INTS3: variants seen among roughly 807,000 people sequenced by gnomAD.
The protein encoded by INTS3 is integrator complex subunit 3.
A neutral mutation model predicts 146.3 loss-of-function variants in INTS3; 34 were observed. The ratio of observed to expected loss-of-function variants is 0.23; its 90% confidence interval spans 0.18 to 0.31. The LOEUF is 0.31. Among genes scored for constraint, INTS3 ranks in the 10% least tolerant of loss-of-function variants. The probability of loss-of-function intolerance (pLI) is 1.00; values close to 1 mark genes in which losing one functional copy is unlikely to be tolerated. For missense variants in INTS3, 757 were observed against 1,304.2 expected (o/e 0.58, Z 6.46); for synonymous variants, 475 against 494.9 (o/e 0.96, Z 0.53).
intron 14 of INTS3, 50 bp downstream of exon 14, chr1:153,761,726 A>G (rs1245055534): frequency 6.1e-6 from 8 of 1,321,844 alleles, no homozygotes; most frequent in Non-Finnish European, 7.6e-6. Context: ...GGGCAAGACA[A>G]CCAGGCCTTC....
At chr1:153,759,243 C>T (rs1223526178) in intron 10 of INTS3, among the ~76,000 whole-genome samples, 2 of 149,692 alleles carry the variant, frequency 1.3e-5, no homozygotes, top group African/African-American at 2.5e-5. Flanking sequence ...CACTGCACTA[C>T]AGCCTGGGCA....
intron 1 of INTS3, among the ~76,000 whole-genome samples, chr1:153,731,076 A>G (rs1389530568): frequency 2.6e-5 from 4 of 152,150 alleles, no homozygotes; most frequent in Non-Finnish European, 5.9e-5. Context: ...ATATATGCTT[A>G]CTGTGTGCTG....
rs1671492701 is a variant in INTS3, at chr1:153,740,633, T to C, written c.151-18T>C. The C allele has an allele frequency of 6.2e-7, 1 of 1,605,960 alleles. No individual in the cohort carries two copies. Among genetic ancestry groups the C allele is most frequent in the Non-Finnish European group, 8.5e-7 (1 of 1,172,698 alleles). ...TGGTGTTATGACACACTGTTCATTT[T>C]TTCTCACCCCTTCCCAGAGATTGGA... On this transcript the variant is annotated intron_variant, in intron 1 of 29. Coordinates refer to ENST00000318967, the MANE Select transcript of INTS3 (RefSeq NM_023015.5).
intron 1 of INTS3, among the ~76,000 whole-genome samples, chr1:153,732,808 C>CTT (rs35259045): frequency 3.2e-4 from 46 of 144,018 alleles, no homozygotes; most frequent in East Asian, 8.1e-4. Flanking sequence ...GGAATTTAGT[C>CTT]TTTTTTTTTT....
chr1:153,735,436 G>T (rs1046062783), intron 1 of INTS3, among the ~76,000 whole-genome samples: 9 of 152,176 alleles, frequency 5.9e-5, no homozygotes, highest in African/African-American at 2.2e-4. Flanking sequence ...GGCAAGTGTG[G>T]AGGGTTCTTT....
intron 24 of INTS3, 27 bp downstream of exon 24, chr1:153,770,338 C>A: frequency 7.4e-7 from 1 of 1,347,880 alleles, no homozygotes; most frequent in South Asian, 1.2e-5. Flanking sequence ...GTAGGGAGCA[C>A]ATCAGATATG....
Position 153,770,292 on chromosome 1 carries a change from G to A in INTS3, c.2484G>A (p.Leu828=). ...CCCTGGAGACCATAATCCCCATCCT[G>A]CAGCACCTCAAATACAAGGGTGAGT... The part of the protein sequence containing the change: ...NIPLETIIPI[L]QHLKYKEHPE... The change falls in exon 24 of 30, where the codon CTG becomes CTA. Residue 828 remains leucine, a synonymous_variant. Transcript: ENST00000318967. 2 of 1,609,172 alleles carry A rather than the reference G, an allele frequency of 1.2e-6. No individual in the cohort carries two copies. The highest frequency in any genetic ancestry group is 8.5e-7 in the Non-Finnish European group (1 of 1,175,542).
rs373615228 is a variant in INTS3 at position 153,753,382 on chromosome 1, C to T, written c.859+974C>T. Among the ~76,000 whole-genome samples, 30 of 151,860 alleles carry T rather than the reference C, an allele frequency of 2.0e-4. No homozygotes were observed. The East Asian group carries it at 4.9e-3, about 25-fold the overall frequency. The stretch of plus-strand genomic sequence containing the variant: ...GACCATCCTGGGCAACATGATGAAA[C>T]CCTGTCTATACTAAAAATGCAAAAA... On this transcript the variant is annotated intron_variant, in intron 8 of 29. Transcript: ENST00000318967.
chr1:153,767,904 C>G, intron 21 of INTS3, 77 bp downstream of exon 21: 3 of 1,397,756 alleles, frequency 2.1e-6, no homozygotes, highest in Non-Finnish European at 2.8e-6. Flanking sequence ...TACACACAAC[C>G]CTGAACCCTC....
chr1:153,761,463 T>C (rs1451493643), intron 13 of INTS3, 107 bp from the exon 14 acceptor site: 8 of 758,702 alleles, frequency 1.1e-5, no homozygotes, highest in Non-Finnish European at 1.5e-5. Context: ...TGAGCCGAGA[T>C]TGTGCCACTG....
intron 4 of INTS3, 30 bp downstream of exon 4, chr1:153,747,100 G>C (rs1247600510): frequency 6.6e-7 from 1 of 1,506,918 alleles, no homozygotes; most frequent in East Asian, 2.3e-5. Context: ...ACAAGATCCA[G>C]CTCAAAGAGA....
At position 153,761,686 on chromosome 1, in the gene INTS3, C is replaced by G; in HGVS notation, c.1516+10C>G. Reference sequence around the variant, plus strand: ...TCCCCACCTGTGGAAGGTATGAGGCCCGCCCATTCCATCACCTGTGTCAAA... The same window carrying G: ...TCCCCACCTGTGGAAGGTATGAGGCGCGCCCATTCCATCACCTGTGTCAAA... On this transcript the variant is annotated intron_variant, in intron 14 of 29. Transcript: ENST00000318967. 6.3e-7 allele frequency: 1 copy of G among 1,582,566 alleles called. No homozygotes were observed. Among genetic ancestry groups the G allele is most frequent in the South Asian group, 1.1e-5 (1 of 90,246 alleles).
rs1044778328 is a variant in INTS3, at chr1:153,773,603, A to G, written c.*333A>G. On this transcript the variant is annotated 3_prime_UTR_variant, in exon 30 of 30. Coordinates refer to ENST00000318967, the MANE Select transcript of INTS3 (RefSeq NM_023015.5). ...CCGCAATCTCCTCCCCCAGTCTCCC[A>G]AAGAGCCATTTCAACAGAGAAGGGA... The G allele has an allele frequency of 2.4e-6, 1 of 421,478 alleles. No homozygotes were observed. Among genetic ancestry groups the G allele is most frequent in the Non-Finnish European group, 4.5e-6 (1 of 224,626 alleles). The allele number at this position is 421,478 out of a possible 1,614,324, so 26.1% of individuals were successfully genotyped here. A position where few individuals can be genotyped will look rare whatever the true frequency, so the allele number is the denominator to read the frequency against.
At chr1:153,762,595 C>A in intron 14 of INTS3, 133 bp from the exon 15 acceptor site, 1 of 1,092,960 alleles carries the variant, frequency 9.1e-7, no homozygotes, top group Non-Finnish European at 1.3e-6. Context: ...TTTGTCCTCC[C>A]AGGGTCAGTA....
chr1:153,739,523 G>A (rs1388570386), intron 1 of INTS3, among the ~76,000 whole-genome samples: 3 of 151,176 alleles, frequency 2.0e-5, no homozygotes, highest in African/African-American at 4.9e-5. Context: ...TTGTAGAGAC[G>A]GGGTTTCTCC....
intron 9 of INTS3, among the ~76,000 whole-genome samples, chr1:153,755,553 C>A (rs1478897295): frequency 1.3e-5 from 2 of 152,168 alleles, no homozygotes; most frequent in Non-Finnish European, 2.9e-5. Context: ...AGCCACTGCA[C>A]CCAGCCAGAA....
chr1:153,746,906 G>T (rs1359282301), intron 3 of INTS3, 51 bp from the exon 4 acceptor site: 1 of 1,206,360 alleles, frequency 8.3e-7, no homozygotes. Context: ...TGGGTGGGGT[G>T]AGGACCTTAT....
Position 153,760,004 on chromosome 1 carries a change from G to C in INTS3, c.1238-307G>C, listed in dbSNP as rs563678690. The C allele has an allele frequency of 1.6e-4, 83 of 507,604 alleles. 1 individual carries two copies. In the South Asian group the frequency reaches 1.8e-3, roughly 11 times the overall value. The allele number at this position is 507,604 out of a possible 1,614,324, so 31.4% of individuals were successfully genotyped here. On this transcript the variant is annotated intron_variant, in intron 11 of 29. Coordinates refer to ENST00000318967, the MANE Select transcript of INTS3 (RefSeq NM_023015.5). Reference sequence around the variant, plus strand: ...CTCTTGGGTCTGCTCAGTGGAAATGGGGGGAATAGACATAGCACTTCCCAG... The same window carrying C: ...CTCTTGGGTCTGCTCAGTGGAAATGCGGGGAATAGACATAGCACTTCCCAG...
chr1:153,763,958 C>T (rs1486330411), intron 17 of INTS3, 72 bp downstream of exon 17: 1 of 1,468,410 alleles, frequency 6.8e-7, no homozygotes, highest in East Asian at 2.3e-5. Flanking sequence ...CCAGGGAAGA[C>T]AACTCACTTT....
Sources: allele counts gnomAD v4.1 joint callset (sites outside exome capture counted in the v4.1 genomes callset), GRCh38; gene constraint gnomAD v4.1.1; transcripts MANE v1.5; gene names NCBI Gene and HGNC (gene_info 2026-07-23, HGNC 2026-07-21).